POU2AF1: variants seen among roughly 807,000 people sequenced by gnomAD.
POU2AF1 encodes the protein POU domain class 2-associating factor 1.
POU2AF1 carries 12 observed loss-of-function variants against 26.3 expected under a neutral mutation model. The ratio of observed to expected loss-of-function variants is 0.46; its 90% CI spans 0.29 to 0.74. POU2AF1 has a LOEUF of 0.74. Ranked by LOEUF, POU2AF1 falls within the 30% of genes least tolerant of loss-of-function variation. The pLI is 0.09. For synonymous variants in POU2AF1, 175 were observed against 148.0 expected (o/e 1.18, Z -1.32); for missense variants, 297 against 334.5 (o/e 0.89, Z 0.87).
chr11:111,358,543 CACAT>C (rs915420383), intron 2 of POU2AF1, among the ~76,000 whole-genome samples: 4 of 151,674 alleles, frequency 2.6e-5, no homozygotes, highest in East Asian at 1.9e-4. Context: ...CACACACAAA[CACAT>C]ACACACTCAC....
chr11:111,358,440 TCTCA>T (rs1266567363), intron 2 of POU2AF1, among the ~76,000 whole-genome samples: 1,275 of 47,078 alleles, frequency 0.027, 25 homozygotes, highest in African/African-American at 0.055. Flanking sequence ...TCACACTCAC[TCTCA>T]CACACACACA....
chr11:111,355,761 G>T (rs1324569497), intron 4 of POU2AF1, among the ~76,000 whole-genome samples: 1 of 152,164 alleles, frequency 6.6e-6, no homozygotes, highest in Non-Finnish European at 1.5e-5. Flanking sequence ...AGCTGGAAAT[G>T]GTCTCAGAGG....
chr11:111,367,707 A>G (rs1214916892), intron 1 of POU2AF1, among the ~76,000 whole-genome samples: 1 of 152,176 alleles, frequency 6.6e-6, no homozygotes, highest in East Asian at 1.9e-4. Context: ...AGTCTCCCTC[A>G]ATTGCCAATT....
rs1242700022 is a variant in POU2AF1 at position 111,367,278 on chromosome 11, G to A, written c.17-8360C>T. 1.3e-5 allele frequency among the ~76,000 whole-genome samples: 2 copies of A among 152,198 alleles called. 1 individual carries two copies. Among genetic ancestry groups the A allele is most frequent in the South Asian group, 4.1e-4 (2 of 4,820 alleles). On this transcript the variant is annotated intron_variant, in intron 1 of 4. Transcript: ENST00000393067. ...AGGGACTCAGGTCTGTTGAATGAAT[G>A]GGTGGTAAAGGTCCATGTGTTTCCT...
intron 1 of POU2AF1, among the ~76,000 whole-genome samples, chr11:111,361,270 A>G (rs1664414267): frequency 6.6e-6 from 1 of 152,206 alleles, no homozygotes; most frequent in Non-Finnish European, 1.5e-5. Context: ...TCAGGCTGCT[A>G]TAGGAGTGTC....
intron 4 of POU2AF1, 49 bp downstream of exon 4, chr11:111,357,396 A>G: frequency 6.2e-7 from 1 of 1,608,280 alleles, no homozygotes. Flanking sequence ...TGGTTATAAA[A>G]GGGTGCACTC....
chr11:111,362,725 C>T (rs7118200), intron 1 of POU2AF1, among the ~76,000 whole-genome samples: 13,763 of 152,196 alleles, frequency 0.09, 781 homozygotes, highest in African/African-American at 0.15. Context: ...CAGTCTGAGG[C>T]ATTGTGTACT....
intron 2 of POU2AF1, among the ~76,000 whole-genome samples, chr11:111,358,422 T>TCACA (rs1565360806): frequency 1.7e-5 from 1 of 59,050 alleles, no homozygotes; most frequent in Non-Finnish European, 4.1e-5. Context: ...ACACACACGC[T>TCACA]CACACTCTCA....
chr11:111,363,044 G>GAA lies in POU2AF1; in HGVS notation c.17-4128_17-4127dup, dbSNP rs1234672540. 6 of 790,084 alleles carry GAA rather than the reference G, an allele frequency of 7.6e-6. No homozygotes were observed. In the African/African-American group the frequency reaches 1.1e-4, roughly 15 times the overall value. 48.9% of individuals were successfully genotyped at this position (790,084 alleles called of 1,614,324 possible). A position where few individuals can be genotyped will look rare whatever the true frequency, so the allele number is the denominator to read the frequency against. On this transcript the variant is annotated intron_variant, in intron 1 of 4. Coordinates refer to ENST00000393067, the MANE Select transcript of POU2AF1 (RefSeq NM_006235.3). ...CGCCTCCTACTGTTTCTAAGTCGAT[G>GAA]AACAAAGAGCGCTTGGTGGAGGTGC... is the stretch of plus-strand genomic sequence containing the variant.
chr11:111,378,135 T>C (rs770002932), intron 1 of POU2AF1, among the ~76,000 whole-genome samples: 21 of 152,378 alleles, frequency 1.4e-4, no homozygotes, highest in Non-Finnish European at 2.6e-4. Flanking sequence ...GAAGTTATAT[T>C]TTCCGAACTT....
At chr11:111,357,222 T>C (rs1264187186) in intron 4 of POU2AF1, among the ~76,000 whole-genome samples, 2 of 152,096 alleles carry the variant, frequency 1.3e-5, no homozygotes, top group Non-Finnish European at 2.9e-5. Flanking sequence ...TCCCCAGTCC[T>C]GAGGAGCAGA....
At chr11:111,360,396 A>T (rs1305683975) in intron 1 of POU2AF1, among the ~76,000 whole-genome samples, 1 of 152,120 alleles carries the variant, frequency 6.6e-6, no homozygotes, top group East Asian at 1.9e-4. Flanking sequence ...CCCATGCCTG[A>T]CTCGGCACCA....
At chr11:111,357,868 T>C (rs1860882270) in intron 2 of POU2AF1, 31 bp from the exon 3 acceptor site, 5 of 1,582,366 alleles carry the variant, frequency 3.2e-6, no homozygotes, top group Non-Finnish European at 4.3e-6. Context: ...CCAGGGTCAA[T>C]GTTTAGCCCT....
Position 111,352,365 on chromosome 11 carries a change from C to T in POU2AF1, c.*1896G>A, listed in dbSNP as rs1018675476. On this transcript the variant is annotated 3_prime_UTR_variant, in exon 5 of 5. Coordinates refer to ENST00000393067, the MANE Select transcript of POU2AF1 (RefSeq NM_006235.3). Reference sequence around the variant, plus strand: ...TCCATGACTTCTACATGGATTCTACCAACTGAAATGTCTGCTTAATAGTGA... The same window carrying T: ...TCCATGACTTCTACATGGATTCTACTAACTGAAATGTCTGCTTAATAGTGA... The T allele has an allele frequency of 2.2e-5, 4 of 185,086 alleles. No homozygotes were observed. The highest frequency in any genetic ancestry group is 1.2e-4 in the Admixed American group (2 of 16,060). 11.5% of individuals were successfully genotyped at this position (185,086 alleles called of 1,614,324 possible).
chr11:111,358,330 ACACACTCT>A (rs1451892958), intron 2 of POU2AF1, among the ~76,000 whole-genome samples: 5 of 89,350 alleles, frequency 5.6e-5, no homozygotes, highest in African/African-American at 1.8e-4. Context: ...GTACTCTCTC[ACACACTCT>A]CACACTCTCA....
At chr11:111,370,046 T>TTGG (rs745477092) in intron 1 of POU2AF1, among the ~76,000 whole-genome samples, 23 of 152,236 alleles carry the variant, frequency 1.5e-4, no homozygotes, top group Non-Finnish European at 2.8e-4. Context: ...ACTCTTCAGA[T>TTGG]CCCAGCATTA....
chr11:111,374,298 A>C (rs1472433577), intron 1 of POU2AF1, among the ~76,000 whole-genome samples: 2 of 152,122 alleles, frequency 1.3e-5, no homozygotes, highest in Non-Finnish European at 2.9e-5. Flanking sequence ...CTTTTTTACC[A>C]ATTAAATCTG....
At chr11:111,375,324 A>T (rs147534962) in intron 1 of POU2AF1, among the ~76,000 whole-genome samples, 13 of 151,504 alleles carry the variant, frequency 8.6e-5, no homozygotes, top group Admixed American at 8.5e-4. Context: ...AAATTATTTA[A>T]TGAATTGGCT....
chr11:111,378,975 G>A (rs573810429), intron 1 of POU2AF1, among the ~76,000 whole-genome samples, 187 bp downstream of exon 1: 28 of 152,094 alleles, frequency 1.8e-4, no homozygotes, highest in East Asian at 1.4e-3. Flanking sequence ...CCTCTGACAG[G>A]CTGGTTTCTC....
Sources: gnomAD v4.1 joint callset for allele counts (sites outside exome capture counted in the v4.1 genomes callset) on GRCh38, gnomAD v4.1.1 for gene constraint, MANE v1.5 for transcripts, NCBI Gene and HGNC (gene_info 2026-07-23, HGNC 2026-07-21) for gene names.